Variants in MYO18B observed in about 807,000 individuals in gnomAD.
The protein encoded by MYO18B is unconventional myosin-XVIIIb.
In MYO18B, 204 loss-of-function variants were observed where a neutral mutation model predicts 273.0. The observed-to-expected ratio is 0.75, with a 90% CI of 0.67 to 0.84. The LOEUF is 0.84. Ranked by LOEUF, MYO18B falls within the 40% of genes least tolerant of loss-of-function variation. The pLI, the probability that MYO18B is intolerant of heterozygous loss-of-function variation, is 0.00. For missense variants in MYO18B, 3,212 were observed against 3,287.6 expected (o/e 0.98, Z 0.56); for synonymous variants, 1,330 against 1,305.7 (o/e 1.02, Z -0.40).
At chr22:25,859,008 C>G (rs5761282) in intron 21 of MYO18B, among the ~76,000 whole-genome samples, 43,537 of 151,990 alleles carry the variant, frequency 0.29, 6,678 homozygotes, top group East Asian at 0.64. Context: ...AAATGGCATA[C>G]TAATAGTTTC....
At chr22:25,794,157 C>A (rs1003462558) in intron 11 of MYO18B, among the ~76,000 whole-genome samples, 1 of 152,024 alleles carries the variant, frequency 6.6e-6, no homozygotes, top group Admixed American at 6.6e-5. Flanking sequence ...TGGTCTCGAT[C>A]TCCTGACCTC....
chr22:25,881,860 A>T (rs1265211039), intron 25 of MYO18B, among the ~76,000 whole-genome samples: 1 of 151,122 alleles, frequency 6.6e-6, no homozygotes, highest in Non-Finnish European at 1.5e-5. Context: ...GCAAAGGGAA[A>T]TAAGAGTTGA....
chr22:25,783,290 C>G (rs1286391731), intron 10 of MYO18B, among the ~76,000 whole-genome samples: 1 of 152,208 alleles, frequency 6.6e-6, no homozygotes, highest in Non-Finnish European at 1.5e-5. Flanking sequence ...CTTGGTTTCT[C>G]CTCCTGTAAA....
At chr22:26,039,999 T>C in the MYO18B span, among the ~76,000 whole-genome samples, 5 of 152,172 alleles carry the variant, frequency 3.3e-5, no homozygotes, top group Admixed American at 3.3e-4. Context: ...TAATTTTTTA[T>C]ACTTTTTTTG....
rs55754933 is a variant in MYO18B at position 25,891,444 on chromosome 22, G to C, written c.4543+32G>C. 3.8e-3 allele frequency: 5,357 copies of C among 1,392,516 alleles called. 173 individuals carry two copies. The African/African-American group carries it at 0.068, about 18-fold the overall frequency. The allele number at this position is 1,392,516 out of a possible 1,614,324, so 86.3% of individuals were successfully genotyped here. On this transcript the variant is annotated intron_variant, in intron 27 of 43. Transcript: ENST00000335473. Reference sequence around the variant, plus strand: ...AGCCTGGGACCCTTGGGGCTGGAAGGTGATGGACAAAGTTGTCTTTCCCAT... The same window carrying C: ...AGCCTGGGACCCTTGGGGCTGGAAGCTGATGGACAAAGTTGTCTTTCCCAT...
At chr22:25,834,338 T>C (rs2089822898) in intron 16 of MYO18B, among the ~76,000 whole-genome samples, 1 of 152,126 alleles carries the variant, frequency 6.6e-6, no homozygotes, top group South Asian at 2.1e-4. Flanking sequence ...GAGGACCTTC[T>C]GAGCGTGGGC....
At chr22:25,933,619 T>A (rs2092539099) in intron 34 of MYO18B, among the ~76,000 whole-genome samples, 1 of 152,208 alleles carries the variant, frequency 6.6e-6, no homozygotes, top group Non-Finnish European at 1.5e-5. Context: ...CAAAAAGTAA[T>A]GGCATTAAAT....
At chr22:25,877,920 G>C in intron 24 of MYO18B, 39 bp from the exon 25 acceptor site, 2 of 1,523,214 alleles carry the variant, frequency 1.3e-6, no homozygotes, top group Non-Finnish European at 1.8e-6. Context: ...CTTAATCTCT[G>C]GCCTGGAATG....
Position 25,921,314 on chromosome 22 carries a change from C to A in MYO18B, c.5422C>A (p.His1808Asn). 1 of 1,566,588 alleles carries A rather than the reference C, an allele frequency of 6.4e-7. No individual in the cohort carries two copies. The change falls in exon 34 of 44, where the codon CAT (histidine) becomes AAT (asparagine). Residue 1808 changes from histidine (H) to asparagine (N), a missense_variant. By Grantham distance (68) the His-to-Asn change is moderately conservative (BLOSUM62 1). Transcript: ENST00000335473. ...ACTTCGGAGAGACCTCAGGAGGACA[C>A]ATGCACTGTTGTCAGACGTGCAGCT... ...KRLRRDLRRT[H>N]ALLSDVQLLL...
intron 1 of MYO18B, among the ~76,000 whole-genome samples, chr22:25,755,394 C>T (rs536968610): frequency 2.0e-5 from 3 of 152,116 alleles, no homozygotes; most frequent in Non-Finnish European, 2.9e-5. Context: ...TTAGTAGAGA[C>T]GAGCTTTCTC....
chr22:25,978,968 A>G (rs1211011422), intron 39 of MYO18B, among the ~76,000 whole-genome samples: 3 of 152,196 alleles, frequency 2.0e-5, no homozygotes, highest in Non-Finnish European at 4.4e-5. Context: ...AACTATCTGA[A>G]TCTTTAGGAG....
At chr22:25,946,422 G>A (rs1424752438) in intron 35 of MYO18B, among the ~76,000 whole-genome samples, 172 bp downstream of exon 35, 1 of 151,996 alleles carries the variant, frequency 6.6e-6, no homozygotes, top group Non-Finnish European at 1.5e-5. Flanking sequence ...TATGTGCTCA[G>A]CTCTGTAAGA....
the MYO18B span, among the ~76,000 whole-genome samples, chr22:26,052,971 T>C: frequency 6.7e-6 from 1 of 148,976 alleles, no homozygotes; most frequent in African/African-American, 2.5e-5. Context: ...CCCAGCTAAT[T>C]TTTTTTTTTG....
In MYO18B at chr22:25,823,645, C is replaced by T. The variant is rs748105362; in HGVS notation, c.2662C>T (p.Arg888Ter). ...CCAGCAAATGACGTTTGGGCCAAGC[C>T]GATGGGGCCTCGAGGATGAGGAAAC... ...IIQQMTFGPS[R>*]WGLEDEETSS... Residue 888 changes from arginine to a stop codon, truncating the protein, a stop_gained, in exon 13 of 44, where the codon CGA becomes TGA. Transcript: ENST00000335473. LOFTEE classifies it high-confidence loss of function. 11 of 1,613,940 alleles carry T rather than the reference C, an allele frequency of 6.8e-6. No individual in the cohort carries two copies. The highest frequency in any genetic ancestry group is 1.7e-5 in the Admixed American group (1 of 60,018).
At chr22:25,746,289 C>G (rs1350868583) in intron 1 of MYO18B, among the ~76,000 whole-genome samples, 2 of 152,128 alleles carry the variant, frequency 1.3e-5, no homozygotes, top group Non-Finnish European at 2.9e-5. Flanking sequence ...CAGTGGATGA[C>G]TCATTTTTTC....
Position 25,891,366 on chromosome 22 carries a change from G to A in MYO18B, c.4497G>A (p.Gln1499=). Reference sequence around the variant, plus strand: ...TGAATAAACAGTTGGAAGAAGCCCAGCAGAAAATTCAGTTGAATGACTTGG... The same window carrying A: ...TGAATAAACAGTTGGAAGAAGCCCAACAGAAAATTCAGTTGAATGACTTGG... ...GDVNKQLEEA[Q]QKIQLNDLER... The change falls in exon 27 of 44, where the codon CAG becomes CAA. Residue 1499 remains glutamine, a synonymous_variant. Coordinates refer to ENST00000335473, the MANE Select transcript of MYO18B (RefSeq NM_032608.7). The A allele has an allele frequency of 6.3e-7, 1 of 1,586,600 alleles. No homozygotes were observed. Among genetic ancestry groups the A allele is most frequent in the Non-Finnish European group, 8.6e-7 (1 of 1,166,178 alleles).
At chr22:25,757,986 G>T (rs1397790323) in intron 1 of MYO18B, among the ~76,000 whole-genome samples, 1 of 152,182 alleles carries the variant, frequency 6.6e-6, no homozygotes, top group African/African-American at 2.4e-5. Flanking sequence ...TTGGAAAACA[G>T]TTGGAAAGTT....
chr22:26,007,902 TC>T, intron 42 of MYO18B, among the ~76,000 whole-genome samples: 1 of 152,214 alleles, frequency 6.6e-6, no homozygotes, highest in Non-Finnish European at 1.5e-5. Context: ...GTCTTAAGCT[TC>T]CTTCTCAGAA....
At chr22:25,953,750 G>T (rs1353988166) in intron 38 of MYO18B, 1 of 152,212 alleles carries the variant, frequency 6.6e-6, no homozygotes, top group Non-Finnish European at 1.5e-5. Flanking sequence ...GACAGCAGAG[G>T]AGAAAAGAAA....
Sources: gnomAD v4.1 joint callset for allele counts (sites outside exome capture counted in the v4.1 genomes callset) on GRCh38, gnomAD v4.1.1 for gene constraint, MANE v1.5 for transcripts, NCBI Gene and HGNC (gene_info 2026-07-23, HGNC 2026-07-21) for gene names.